Variants in CLOCK observed in about 807,000 individuals in gnomAD.
CLOCK encodes the protein clock circadian regulator, also known as circadian locomoter output cycles protein kaput.
Under a neutral mutation model 118.4 loss-of-function variants are expected in CLOCK, and 43 were observed. The ratio of observed to expected loss-of-function variants is 0.36; its 90% CI spans 0.28 to 0.47. The LOEUF is 0.47. Ranked by LOEUF, CLOCK falls within the 20% of genes least tolerant of loss-of-function variation. CLOCK has a pLI of 1.00. For missense variants in CLOCK, 846 were observed against 999.9 expected (o/e 0.85, Z 2.08); for synonymous variants, 326 against 339.2 (o/e 0.96, Z 0.43).
intron 2 of CLOCK, among the ~76,000 whole-genome samples, chr4:55,503,579 T>C (rs1728570710): frequency 6.6e-6 from 1 of 152,170 alleles, no homozygotes; most frequent in African/African-American, 2.4e-5. Context: ...CTTTATAATA[T>C]GTGTGTTATA....
At position 55,478,880 on chromosome 4, in the gene CLOCK, T is replaced by C; in HGVS notation, c.191A>G (p.Asn64Ser). 1.9e-6 allele frequency: 3 copies of C among 1,612,394 alleles called. No homozygotes were observed. The highest frequency in any genetic ancestry group is 1.1e-5 in the South Asian group (1 of 90,946). ...AGTAGATTTGTCCATCTTTCTAGCA[T>C]TACCAGGAAGCATGGATCCCAGTTC... ...IKELGSMLPGNARKMDKSTVL... is the reference protein window; with the variant it reads ...IKELGSMLPGSARKMDKSTVL... The change falls in exon 6 of 23, where the codon AAT becomes AGT. Residue 64 changes from asparagine (N) to serine (S), a missense_variant. By Grantham distance (46) the Asn-to-Ser change is conservative (BLOSUM62 1). This residue lies in a region of CLOCK where 246 missense variants were observed against 300.2 expected (regional missense o/e 0.82). Coordinates refer to ENST00000513440, the MANE Select transcript of CLOCK (RefSeq NM_004898.4).
chr4:55,484,031 G>A (rs1465465012), intron 3 of CLOCK, among the ~76,000 whole-genome samples: 1 of 152,082 alleles, frequency 6.6e-6, no homozygotes, highest in African/African-American at 2.4e-5. Flanking sequence ...CTAAACCAGA[G>A]AAGATTAAAG....
intron 21 of CLOCK, among the ~76,000 whole-genome samples, chr4:55,440,274 C>G (rs1473371991): frequency 6.6e-6 from 1 of 152,144 alleles, no homozygotes; most frequent in Non-Finnish European, 1.5e-5. Flanking sequence ...ATAAATTCAT[C>G]AACGCAGCAT....
intron 8 of CLOCK, among the ~76,000 whole-genome samples, chr4:55,467,839 C>G (rs1048452477): frequency 2.6e-5 from 4 of 152,056 alleles, no homozygotes; most frequent in Non-Finnish European, 5.9e-5. Context: ...TTGGGCTTAT[C>G]CTACTATTTG....
At chr4:55,448,151 T>C (rs562943973) in intron 18 of CLOCK, among the ~76,000 whole-genome samples, 1 of 152,350 alleles carries the variant, frequency 6.6e-6, no homozygotes, top group African/African-American at 2.4e-5. Context: ...ACAGGCAATA[T>C]AGCATGGTAT....
At chr4:55,501,661 C>T (rs1352420449) in intron 2 of CLOCK, 3 of 152,154 alleles carry the variant, frequency 2.0e-5, no homozygotes, top group Non-Finnish European at 4.4e-5. Flanking sequence ...CAATCTGTAA[C>T]GGACTGTGAA....
At chr4:55,538,103 T>C (rs971232277) in intron 1 of CLOCK, among the ~76,000 whole-genome samples, 1 of 152,206 alleles carries the variant, frequency 6.6e-6, no homozygotes, top group African/African-American at 2.4e-5. Context: ...ATACTAAATC[T>C]CTACAGGTTA....
intron 1 of CLOCK, among the ~76,000 whole-genome samples, chr4:55,514,582 TTTACAG>T (rs1321643791): frequency 6.6e-6 from 1 of 151,900 alleles, no homozygotes; most frequent in Non-Finnish European, 1.5e-5. Context: ...TATTCCAAGT[TTTACAG>T]TTACAGAGTT....
At chr4:55,486,999 T>C (rs1727339715) in intron 3 of CLOCK, among the ~76,000 whole-genome samples, 1 of 152,176 alleles carries the variant, frequency 6.6e-6, no homozygotes, top group African/African-American at 2.4e-5. Flanking sequence ...TGGACAGTTG[T>C]AATTTTCTTA....
chr4:55,444,826 A>C (rs1553890566), intron 18 of CLOCK, 41 bp from the exon 19 acceptor site: 1 of 1,591,044 alleles, frequency 6.3e-7, no homozygotes, highest in Non-Finnish European at 8.6e-7. Flanking sequence ...ATATTTTAGA[A>C]TTACTTACTC....
intron 9 of CLOCK, among the ~76,000 whole-genome samples, chr4:55,460,855 C>G (rs527354154): frequency 6.6e-6 from 1 of 152,220 alleles, no homozygotes; most frequent in South Asian, 2.1e-4. Context: ...GATTCTTAGT[C>G]ACTTGGTCAC....
intron 1 of CLOCK, among the ~76,000 whole-genome samples, chr4:55,517,220 G>A (rs945484750): frequency 5.9e-5 from 9 of 152,232 alleles, no homozygotes; most frequent in Middle Eastern, 3.4e-3. Context: ...TATAGTGTAA[G>A]ATTCTTTTGG....
chr4:55,479,345 T>C (rs1726755506), intron 5 of CLOCK, among the ~76,000 whole-genome samples: 1 of 152,086 alleles, frequency 6.6e-6, no homozygotes, highest in South Asian at 2.1e-4. Flanking sequence ...CAAACAGCTA[T>C]TGAGAAAAAC....
chr4:55,442,422 T>A lies in CLOCK; in HGVS notation c.2105+10A>T, dbSNP rs763558900. On this transcript the variant is annotated intron_variant, in intron 21 of 22. Coordinates refer to ENST00000513440, the MANE Select transcript of CLOCK (RefSeq NM_004898.4). ...AATTTTAAAAATAACAAATGAAATA[T>A]GACAACTACCTTATCTGCCTGTCCT... 3 of 1,604,160 alleles carry A rather than the reference T, an allele frequency of 1.9e-6. No homozygotes were observed. Among genetic ancestry groups the A allele is most frequent in the Non-Finnish European group, 2.6e-6 (3 of 1,172,630 alleles).
At chr4:55,448,640 G>C in intron 18 of CLOCK, 139 bp downstream of exon 18, 1 of 575,848 alleles carries the variant, frequency 1.7e-6, no homozygotes, top group Non-Finnish European at 3.2e-6. Flanking sequence ...GTGTGTGTGT[G>C]TGTGCTCCTA....
intron 4 of CLOCK, among the ~76,000 whole-genome samples, chr4:55,481,728 G>T (rs1039651080): frequency 6.6e-6 from 1 of 152,106 alleles, no homozygotes; most frequent in African/African-American, 2.4e-5. Context: ...GGAGCACACC[G>T]AACAGTGCAA....
rs1397118356 is a variant in CLOCK, at chr4:55,450,228, T to C, written c.1211A>G (p.Gln404Arg). 6.2e-7 allele frequency: 1 copy of C among 1,614,016 alleles called. No homozygotes were observed. Among genetic ancestry groups the C allele is most frequent in the Admixed American group, 1.7e-5 (1 of 60,016 alleles). The change falls in exon 16 of 23, where the codon CAA (glutamine) becomes CGA (arginine). Residue 404 changes from glutamine (Q) to arginine (R), a missense_variant. Physicochemically the swap from Gln to Arg is conservative, Grantham distance 43 (BLOSUM62 1). This residue lies in a region of CLOCK where 520 missense variants were observed against 558.0 expected (regional missense o/e 0.93). Coordinates refer to ENST00000513440, the MANE Select transcript of CLOCK (RefSeq NM_004898.4). ...SLPETAADKS[Q>R]DSGSDNRINT... ...TATACGATTATCTGACCCAGAATCT[T>C]GGCTCTATGGAGACAGAGTAAAATA...
At chr4:55,484,331 C>T (rs1230621660) in intron 3 of CLOCK, among the ~76,000 whole-genome samples, 1 of 152,064 alleles carries the variant, frequency 6.6e-6, no homozygotes, top group East Asian at 1.9e-4. Flanking sequence ...GCTGGGATTA[C>T]AGGTGCTCGC....
chr4:55,431,146 ATGT>A lies in CLOCK; in HGVS notation c.*4266_*4268del, dbSNP rs1452757108. The A allele has an allele frequency of 3.9e-5, 6 of 152,304 alleles. No individual in the cohort carries two copies. Among genetic ancestry groups the A allele is most frequent in the Non-Finnish European group, 7.4e-5 (5 of 68,016 alleles). 9.4% of individuals were successfully genotyped at this position (152,304 alleles called of 1,614,324 possible). A position where few individuals can be genotyped will look rare whatever the true frequency, so the allele number is the denominator to read the frequency against. On this transcript the variant is annotated 3_prime_UTR_variant, in exon 23 of 23. Coordinates refer to ENST00000513440, the MANE Select transcript of CLOCK (RefSeq NM_004898.4). The stretch of plus-strand genomic sequence containing the variant: ...CAAAATGATGCTTTTAGACTGTGGT[ATGT>A]TGTTTTAAAAGTGTGTGCTATTCCT...
Sources: gnomAD v4.1 joint callset for allele counts (sites outside exome capture counted in the v4.1 genomes callset) on GRCh38, gnomAD v4.1.1 for gene constraint, gnomAD v4.1.1 regional missense constraint, MANE v1.5 for transcripts, NCBI Gene and HGNC (gene_info 2026-07-23, HGNC 2026-07-21) for gene names.